The following FMN1 variants were observed in gnomAD, a reference collection of about 807,000 sequenced individuals.
The protein encoded by FMN1 is formin 1.
FMN1 carries 110 observed loss-of-function variants against 132.4 expected under a neutral mutation model. That is an observed-to-expected ratio of 0.83 (90% CI 0.71 to 0.97). The LOEUF (loss-of-function observed/expected upper bound fraction) is 0.97. Among genes scored for constraint, FMN1 ranks in the 50% least tolerant of loss-of-function variants. The probability of loss-of-function intolerance (pLI) is 0.00; values close to 1 mark genes in which losing one functional copy is unlikely to be tolerated. For synonymous variants in FMN1, 722 were observed against 651.7 expected (o/e 1.11, Z -1.64); for missense variants, 1,792 against 1,705.3 (o/e 1.05, Z -0.90).
At chr15:32,938,951 G>C (rs1013938442) in intron 9 of FMN1, among the ~76,000 whole-genome samples, 2 of 152,010 alleles carry the variant, frequency 1.3e-5, no homozygotes, top group Non-Finnish European at 2.9e-5. Flanking sequence ...TAAATAAGAC[G>C]AAAAAAGATT....
chr15:33,119,963 C>T (rs1327680361), intron 4 of FMN1, among the ~76,000 whole-genome samples: 1 of 152,140 alleles, frequency 6.6e-6, no homozygotes, highest in East Asian at 1.9e-4. Flanking sequence ...CAAACATGAT[C>T]TTATTAAGCG....
At chr15:32,809,503 C>G (rs1163419623) in intron 17 of FMN1, among the ~76,000 whole-genome samples, 1 of 152,184 alleles carries the variant, frequency 6.6e-6, no homozygotes. Context: ...ACTATCATCC[C>G]CAGAGCTCCT....
At chr15:33,111,645 T>TA (rs537286528) in intron 4 of FMN1, among the ~76,000 whole-genome samples, 29 of 152,236 alleles carry the variant, frequency 1.9e-4, no homozygotes, top group South Asian at 1.4e-3. Flanking sequence ...CTTTTGCCTA[T>TA]AAAAAAATCT....
intron 12 of FMN1, among the ~76,000 whole-genome samples, chr15:32,905,953 C>T (rs1263795018): frequency 6.6e-6 from 1 of 152,188 alleles, no homozygotes; most frequent in Non-Finnish European, 1.5e-5. Context: ...CTCACCAGCA[C>T]AGCATGACAG....
intron 4 of FMN1, among the ~76,000 whole-genome samples, chr15:33,125,875 G>A (rs1963013267): frequency 6.6e-6 from 1 of 152,120 alleles, no homozygotes; most frequent in Admixed American, 6.6e-5. Flanking sequence ...AACTTCTCAA[G>A]CATGACTGAT....
intron 12 of FMN1, among the ~76,000 whole-genome samples, chr15:32,907,131 G>T (rs2060445751): frequency 6.6e-6 from 1 of 152,250 alleles, no homozygotes; most frequent in Middle Eastern, 3.4e-3. Context: ...CAGGGGTTGG[G>T]GTTGGAGGTG....
chr15:32,886,423 T>TGTCAG (rs915918850), intron 16 of FMN1, among the ~76,000 whole-genome samples: 37 of 152,318 alleles, frequency 2.4e-4, no homozygotes, highest in Non-Finnish European at 1.6e-4. Context: ...CTGAGGAAAG[T>TGTCAG]GTCAGTTGAG....
chr15:32,811,908 A>T (rs181598360), intron 17 of FMN1, among the ~76,000 whole-genome samples: 326 of 152,218 alleles, frequency 2.1e-3, no homozygotes, highest in Admixed American at 3.3e-3. Context: ...TCAGCCTCTC[A>T]AAAGTGCTGG....
In FMN1 at chr15:32,963,992, GTA is replaced by G. The variant is rs199878707; in HGVS notation, c.3138+113_3138+114del. 4.1e-3 allele frequency: 1,784 copies of G among 435,520 alleles called. 22 individuals carry two copies. The highest frequency in any genetic ancestry group is 0.025 in the East Asian group (749 of 30,302). 27.0% of individuals were successfully genotyped at this position (435,520 alleles called of 1,614,324 possible). ...ATGATACACACACATATATGTATAG[GTA>G]TGTGTGTGTGTGTATATACGATACA... On this transcript the variant is annotated intron_variant, in intron 9 of 20. Transcript: ENST00000616417.
chr15:33,153,333 G>A lies in FMN1; in HGVS notation c.1582C>T (p.Leu528Phe), dbSNP rs1964526366. The change falls in exon 4 of 21, where the codon CTC (leucine) becomes TTC (phenylalanine). Residue 528 changes from leucine (L) to phenylalanine (F), a missense_variant. By Grantham distance (22) the Leu-to-Phe change is conservative (BLOSUM62 0). Around this residue, in one of 3 missense-constraint regions of FMN1, gnomAD observed 4 missense variants for 17.0 expected, o/e 0.24. Transcript: ENST00000616417. ...CTGTGATGCTGCTGAGGGCTGGGGAGCCTTGGAGACAGAGGCGAGGGAACA... is the reference window on the plus strand; with the variant it reads ...CTGTGATGCTGCTGAGGGCTGGGGAACCTTGGAGACAGAGGCGAGGGAACA... ...SPVPSPLSPRLPSPQQHHRIL... is the reference protein window; with the variant it reads ...SPVPSPLSPRFPSPQQHHRIL... 2.0e-6 allele frequency: 3 copies of A among 1,536,368 alleles called. No individual in the cohort carries two copies. The highest frequency in any genetic ancestry group is 2.6e-6 in the Non-Finnish European group (3 of 1,146,950).
intron 6 of FMN1, among the ~76,000 whole-genome samples, chr15:33,048,630 C>CAAAAAAAAAAAAAAAAAAA (rs1566865254): frequency 8.7e-5 from 1 of 11,442 alleles, no homozygotes; most frequent in African/African-American, 2.7e-4. Context: ...GGGCAATTTA[C>CAAAAAAAAAAAAAAAAAAA]CAAAAAAAAA....
intron 9 of FMN1, among the ~76,000 whole-genome samples, chr15:32,941,518 G>A (rs2061400535): frequency 6.6e-6 from 1 of 152,142 alleles, no homozygotes; most frequent in Non-Finnish European, 1.5e-5. Flanking sequence ...ATACAACAGA[G>A]CACTACTTCA....
At chr15:33,159,301 T>C (rs1032438338) in intron 3 of FMN1, among the ~76,000 whole-genome samples, 3 of 152,152 alleles carry the variant, frequency 2.0e-5, no homozygotes, top group Admixed American at 6.5e-5. Context: ...ACTGGGTAGA[T>C]TGTGGTGCCA....
At chr15:32,840,293 T>C (rs1185864679) in intron 17 of FMN1, among the ~76,000 whole-genome samples, 3 of 152,210 alleles carry the variant, frequency 2.0e-5, no homozygotes. Flanking sequence ...TGGCTTTTTT[T>C]CTGGAGAGGA....
rs570213120 is a variant in FMN1, at chr15:32,963,350, G to A, written c.3138+757C>T. Among the ~76,000 whole-genome samples the A allele has an allele frequency of 3.5e-5, 5 of 141,686 alleles. 1 individual carries two copies. The highest frequency in any genetic ancestry group is 1.0e-4 in the African/African-American group (4 of 39,398). 93.0% of individuals were successfully genotyped at this position (141,686 alleles called of 152,430 possible). A position where few individuals can be genotyped will look rare whatever the true frequency, so the allele number is the denominator to read the frequency against. ...ACACTCTGGGGACTGTTGTGGGGTC[G>A]GGGGGGTGGGGGGAGGGAAAGCACT... On this transcript the variant is annotated intron_variant, in intron 9 of 20. Coordinates refer to ENST00000616417, the MANE Select transcript of FMN1 (RefSeq NM_001277313.2).
At chr15:32,952,881 T>C (rs1350915123) in intron 9 of FMN1, among the ~76,000 whole-genome samples, 5 of 152,192 alleles carry the variant, frequency 3.3e-5, no homozygotes, top group Admixed American at 3.3e-4. Context: ...GGGATCAAAA[T>C]GCCCAATAGG....
intron 4 of FMN1, among the ~76,000 whole-genome samples, chr15:33,108,131 G>T (rs1277112900): frequency 2.6e-5 from 4 of 152,002 alleles, no homozygotes; most frequent in Admixed American, 1.3e-4. Context: ...GATGGTGGTG[G>T]GGTGTGTGTG....
chr15:32,962,414 T>C (rs1596352011), intron 9 of FMN1, among the ~76,000 whole-genome samples: 1 of 151,934 alleles, frequency 6.6e-6, no homozygotes, highest in Non-Finnish European at 1.5e-5. Context: ...GGCATTACCA[T>C]TCAGGACATA....
intron 6 of FMN1, among the ~76,000 whole-genome samples, chr15:33,010,277 A>C (rs959916603): frequency 6.6e-5 from 10 of 152,166 alleles, no homozygotes; most frequent in African/African-American, 2.4e-4. Flanking sequence ...TGAAGAACAG[A>C]TCAGAATAGT....
Sources: gnomAD v4.1 joint callset for allele counts (sites outside exome capture counted in the v4.1 genomes callset) on GRCh38, gnomAD v4.1.1 for gene constraint, gnomAD v4.1.1 regional missense constraint, MANE v1.5 for transcripts, NCBI Gene and HGNC (gene_info 2026-07-23, HGNC 2026-07-21) for gene names.